Variants in BARX2 observed in about 807,000 individuals in gnomAD.
BARX2 encodes homeobox protein BarH-like 2.
A neutral mutation model predicts 25.5 loss-of-function variants in BARX2; 11 were observed. The observed-to-expected ratio is 0.43, with a 90% CI of 0.27 to 0.71. The LOEUF (loss-of-function observed/expected upper bound fraction) is 0.71. Ranked by LOEUF, BARX2 falls within the 30% of genes least tolerant of loss-of-function variation. The pLI is 0.19. For synonymous variants in BARX2, 137 were observed against 149.5 expected (o/e 0.92, Z 0.61); for missense variants, 360 against 359.9 (o/e 1.00, Z 0.00).
In BARX2 at chr11:129,426,914, G is replaced by C. The variant is rs540230299; in HGVS notation, c.188-9837G>C. ...TTCCTCTGACTTCTCTGAGCTCCCT[G>C]GTTGCTGTCAGTCTCGGTATATGGC... On this transcript the variant is annotated intron_variant, in intron 1 of 3. Coordinates refer to ENST00000281437, the MANE Select transcript of BARX2 (RefSeq NM_003658.5). Among the ~76,000 whole-genome samples, 4 of 152,118 alleles carry C rather than the reference G, an allele frequency of 2.6e-5. No homozygotes were observed. In the South Asian group the frequency reaches 8.3e-4, roughly 32 times the overall value.
At chr11:129,426,380 G>GT (rs147560257) in intron 1 of BARX2, among the ~76,000 whole-genome samples, 10,881 of 146,280 alleles carry the variant, frequency 0.074, 428 homozygotes, top group Middle Eastern at 0.15. Context: ...GTTTTTTTTT[G>GT]TTTTTTTTTT....
At chr11:129,430,715 G>C (rs1413053272) in intron 1 of BARX2, among the ~76,000 whole-genome samples, 6 of 152,032 alleles carry the variant, frequency 3.9e-5, no homozygotes, top group African/African-American at 1.2e-4. Context: ...GCTCTTCCCC[G>C]ACCCTTAACC....
At chr11:129,450,345 C>A (rs1484587646) in intron 3 of BARX2, among the ~76,000 whole-genome samples, 1 of 152,150 alleles carries the variant, frequency 6.6e-6, no homozygotes, top group Middle Eastern at 3.2e-3. Flanking sequence ...GATTCATGAT[C>A]CTGCAAACAA....
At chr11:129,441,817 T>A (rs891762011) in intron 2 of BARX2, among the ~76,000 whole-genome samples, 6 of 152,028 alleles carry the variant, frequency 3.9e-5, no homozygotes, top group African/African-American at 1.4e-4. Context: ...GCTGAGAGAG[T>A]CTAATCTCTC....
intron 1 of BARX2, among the ~76,000 whole-genome samples, chr11:129,396,412 G>C (rs569752722): frequency 6.7e-6 from 1 of 149,264 alleles, no homozygotes; most frequent in South Asian, 2.1e-4. Context: ...TTTTGTCTAA[G>C]TATTTATAAT....
chr11:129,395,056 A>G (rs759606080), intron 1 of BARX2, among the ~76,000 whole-genome samples: 10 of 152,124 alleles, frequency 6.6e-5, no homozygotes, highest in Non-Finnish European at 1.5e-4. Flanking sequence ...AGCTATATGA[A>G]TCTGTACTAC....
chr11:129,394,935 A>T (rs1356743432), intron 1 of BARX2, among the ~76,000 whole-genome samples: 1 of 144,818 alleles, frequency 6.9e-6, no homozygotes, highest in African/African-American at 2.5e-5. Flanking sequence ...TCCACTCAGC[A>T]TTTTTTTTTT....
intron 1 of BARX2, among the ~76,000 whole-genome samples, chr11:129,409,189 G>A (rs1380834753): frequency 2.0e-5 from 3 of 152,174 alleles, no homozygotes; most frequent in African/African-American, 7.2e-5. Flanking sequence ...ATGTCAGCAT[G>A]CTCTGAAATT....
intron 1 of BARX2, among the ~76,000 whole-genome samples, chr11:129,407,396 C>T (rs1053353143): frequency 6.6e-6 from 1 of 152,172 alleles, no homozygotes; most frequent in Non-Finnish European, 1.5e-5. Context: ...CCTTAGATGA[C>T]GTTGTTTCCA....
intron 1 of BARX2, among the ~76,000 whole-genome samples, chr11:129,398,244 C>T (rs1861742198): frequency 6.6e-6 from 1 of 152,180 alleles, no homozygotes; most frequent in South Asian, 2.1e-4. Context: ...TTCATCATTG[C>T]TGCCTTGGAG....
chr11:129,442,733 G>C (rs760371469), intron 2 of BARX2, 102 bp from the exon 3 acceptor site: 8 of 1,021,936 alleles, frequency 7.8e-6, no homozygotes, highest in Non-Finnish European at 1.1e-5. Context: ...TCCGAGCCTT[G>C]GTAGCCAGTG....
rs561933953 is a variant in BARX2, at chr11:129,395,909, A to G, written c.187+19687A>G. Among the ~76,000 whole-genome samples the G allele has an allele frequency of 9.2e-5, 14 of 152,220 alleles. No homozygotes were observed. In the South Asian group the frequency reaches 2.9e-3, roughly 32 times the overall value. The stretch of plus-strand genomic sequence containing the variant: ...AGGGTTTGCTATAGAGATTGAGCGC[A>G]GTCTCCTGAATCTCGTGTGGACAAA... On this transcript the variant is annotated intron_variant, in intron 1 of 3. Coordinates refer to ENST00000281437, the MANE Select transcript of BARX2 (RefSeq NM_003658.5).
intron 2 of BARX2, among the ~76,000 whole-genome samples, chr11:129,440,777 ATAGT>A (rs1193209968): frequency 1.8e-4 from 28 of 152,228 alleles, no homozygotes; most frequent in African/African-American, 6.0e-4. Context: ...GGCCTCCCTG[ATAGT>A]TAGATCTCCC....
intron 1 of BARX2, among the ~76,000 whole-genome samples, chr11:129,425,735 G>GAAGGTGTGAAGCAATC (rs1420168883): frequency 6.6e-6 from 1 of 152,168 alleles, no homozygotes; most frequent in Non-Finnish European, 1.5e-5. Context: ...AATATGAAAA[G>GAAGGTGTGAAGCAATC]AAGGTGTGAA....
At chr11:129,409,181 G>C (rs1042151048) in intron 1 of BARX2, among the ~76,000 whole-genome samples, 4 of 152,278 alleles carry the variant, frequency 2.6e-5, no homozygotes, top group Admixed American at 1.3e-4. Context: ...CCTCTCAAAT[G>C]TCAGCATGCT....
chr11:129,409,289 C>G (rs924071196), intron 1 of BARX2, among the ~76,000 whole-genome samples: 5 of 152,194 alleles, frequency 3.3e-5, no homozygotes, highest in African/African-American at 1.2e-4. Context: ...AGTCTATCTA[C>G]TAGTCTAGGA....
rs553874221 is a variant in BARX2 at position 129,379,545 on chromosome 11, T to G, written c.187+3323T>G. Among the ~76,000 whole-genome samples, 9 of 152,244 alleles carry G rather than the reference T, an allele frequency of 5.9e-5. No homozygotes were observed. The South Asian group carries it at 8.3e-4, about 14-fold the overall frequency. ...TTTTCCGGTTGTGATTAATGTTTCT[T>G]GGTGGAAAAGCCCACTTGAAGAAAG... is the stretch of plus-strand genomic sequence containing the variant. On this transcript the variant is annotated intron_variant, in intron 1 of 3. Transcript: ENST00000281437.
rs931125532 is a variant in BARX2, at chr11:129,390,217, G to A, written c.187+13995G>A. On this transcript the variant is annotated intron_variant, in intron 1 of 3. Coordinates refer to ENST00000281437, the MANE Select transcript of BARX2 (RefSeq NM_003658.5). This position sits in a 1 kb window ranked among gnomAD's most constrained non-coding sequence, Gnocchi z 4.3. Reference sequence around the variant, plus strand: ...TCCAGCCATTTATAATGATGATTCCGACAGGCAATCTCTAGTGGCCTCATC... The same window carrying A: ...TCCAGCCATTTATAATGATGATTCCAACAGGCAATCTCTAGTGGCCTCATC... 6.6e-6 allele frequency among the ~76,000 whole-genome samples: 1 copy of A among 152,152 alleles called. No homozygotes were observed. Among genetic ancestry groups the A allele is most frequent in the Admixed American group, 6.6e-5 (1 of 15,266 alleles).
chr11:129,443,025 T>C (rs1460962593), intron 3 of BARX2, 106 bp downstream of exon 3: 4 of 961,966 alleles, frequency 4.2e-6, no homozygotes, highest in African/African-American at 3.2e-5. Context: ...GCTGCAGAGA[T>C]TGGAAGGCCT....
Sources: allele counts gnomAD v4.1 joint callset (sites outside exome capture counted in the v4.1 genomes callset), GRCh38; gene constraint gnomAD v4.1.1; non-coding constraint Gnocchi (gnomAD v3.1); transcripts MANE v1.5; gene names NCBI Gene and HGNC (gene_info 2026-07-23, HGNC 2026-07-21).